The following SPAG16 variants were observed in gnomAD, a reference collection of about 807,000 sequenced individuals.
SPAG16 encodes sperm-associated antigen 16 protein.
SPAG16 carries 86 observed loss-of-function variants against 80.4 expected under a neutral mutation model. The observed-to-expected ratio is 1.07, with a 90% CI of 0.90 to 1.28. The LOEUF (loss-of-function observed/expected upper bound fraction) is 1.28. Among genes scored for constraint, SPAG16 ranks in the 50% most tolerant of loss-of-function variants. SPAG16 has a pLI of 0.00. For synonymous variants in SPAG16, 294 were observed against 265.9 expected (o/e 1.11, Z -1.03); for missense variants, 870 against 765.3 (o/e 1.14, Z -1.61).
chr2:213,465,666 G>T (rs1244961762), intron 9 of SPAG16, among the ~76,000 whole-genome samples: 2 of 152,106 alleles, frequency 1.3e-5, no homozygotes, highest in African/African-American at 4.8e-5. Context: ...GGTTTTGTGG[G>T]GTATAAATGG....
At chr2:214,049,509 T>A (rs2049522036) in intron 13 of SPAG16, among the ~76,000 whole-genome samples, 1 of 152,260 alleles carries the variant, frequency 6.6e-6, no homozygotes, top group African/African-American at 2.4e-5. Context: ...TATTTCATTG[T>A]AAATATATTT....
At chr2:213,410,089 G>T (rs1387001276) in intron 9 of SPAG16, among the ~76,000 whole-genome samples, 1 of 151,726 alleles carries the variant, frequency 6.6e-6, no homozygotes, top group Non-Finnish European at 1.5e-5. Context: ...CAGCAAAAAG[G>T]GGATGGAATC....
At chr2:213,580,426 G>T (rs1208668881) in intron 10 of SPAG16, among the ~76,000 whole-genome samples, 2 of 152,076 alleles carry the variant, frequency 1.3e-5, no homozygotes, top group Non-Finnish European at 2.9e-5. Context: ...CCTCAACCAT[G>T]AATCTACCTA....
chr2:213,898,193 G>A (rs1390660945), intron 11 of SPAG16, among the ~76,000 whole-genome samples: 2 of 152,130 alleles, frequency 1.3e-5, no homozygotes, highest in East Asian at 3.8e-4. Flanking sequence ...CAGAAACAAA[G>A]CTTTTAAATG....
chr2:213,968,245 T>G (rs978753393), intron 12 of SPAG16, among the ~76,000 whole-genome samples: 3 of 151,882 alleles, frequency 2.0e-5, no homozygotes, highest in Middle Eastern at 6.8e-3. Context: ...CGAGATCTCA[T>G]CTCACTGCAA....
chr2:214,244,957 A>C (rs932352169), intron 15 of SPAG16, among the ~76,000 whole-genome samples: 1 of 152,084 alleles, frequency 6.6e-6, no homozygotes, highest in African/African-American at 2.4e-5. Context: ...TGTCTAACTC[A>C]ATGCTTTCTT....
At chr2:214,000,379 C>A (rs2046736830) in intron 12 of SPAG16, among the ~76,000 whole-genome samples, 1 of 152,120 alleles carries the variant, frequency 6.6e-6, no homozygotes, top group Non-Finnish European at 1.5e-5. Flanking sequence ...TTTGAGGGCT[C>A]CCCTACCATA....
At chr2:214,140,094 C>T (rs941523454) in intron 14 of SPAG16, among the ~76,000 whole-genome samples, 2 of 152,178 alleles carry the variant, frequency 1.3e-5, no homozygotes, top group African/African-American at 4.8e-5. Context: ...CTGATCGCCT[C>T]AGGCACACTT....
At position 214,284,241 on chromosome 2, in the gene SPAG16, T is replaced by A. The variant is rs1276949834; in HGVS notation, c.1721-125899T>A. On this transcript the variant is annotated intron_variant, in intron 15 of 15. Coordinates refer to ENST00000331683, the MANE Select transcript of SPAG16 (RefSeq NM_024532.5). ...TCACTAACAAGGGCTGATTATTTTA[T>A]GTCAGTCATATTGCTCTTCTTTTTT... Among the ~76,000 whole-genome samples, 5 of 152,334 alleles carry A rather than the reference T, an allele frequency of 3.3e-5. No individual in the cohort carries two copies. In the East Asian group the frequency reaches 9.6e-4, roughly 29 times the overall value.
intron 9 of SPAG16, among the ~76,000 whole-genome samples, chr2:213,484,193 T>C (rs184219551): frequency 6.6e-6 from 1 of 152,336 alleles, no homozygotes; most frequent in Non-Finnish European, 1.5e-5. Flanking sequence ...ATAGAAACTT[T>C]AAAGACTAAT....
intron 10 of SPAG16, among the ~76,000 whole-genome samples, chr2:213,774,050 T>TA (rs1340730665): frequency 6.6e-6 from 1 of 152,216 alleles, no homozygotes; most frequent in Non-Finnish European, 1.5e-5. Context: ...TCCTATTTTT[T>TA]ACCGCAATGT....
intron 5 of SPAG16, among the ~76,000 whole-genome samples, chr2:213,330,172 A>G (rs2064028854): frequency 6.6e-6 from 1 of 152,122 alleles, no homozygotes; most frequent in Admixed American, 6.5e-5. Context: ...CAGAGTCCCT[A>G]CTGGAGCATT....
chr2:213,564,007 G>A (rs115831442), intron 10 of SPAG16, among the ~76,000 whole-genome samples: 1,984 of 152,312 alleles, frequency 0.013, 20 homozygotes, highest in South Asian at 0.036. Context: ...AGCTTTGTGA[G>A]TAAAAAGAAG....
At chr2:213,337,482 A>G (rs1031980866) in intron 5 of SPAG16, among the ~76,000 whole-genome samples, 6 of 152,184 alleles carry the variant, frequency 3.9e-5, no homozygotes, top group Non-Finnish European at 7.4e-5. Flanking sequence ...ATGATAAAAC[A>G]TTACAGGAGC....
chr2:213,791,426 A>T (rs1213023913), intron 10 of SPAG16, among the ~76,000 whole-genome samples: 1 of 152,116 alleles, frequency 6.6e-6, no homozygotes, highest in Non-Finnish European at 1.5e-5. Context: ...AATAGTTTTA[A>T]GGAATAAAAT....
At chr2:213,849,596 G>A (rs2074805005) in intron 10 of SPAG16, among the ~76,000 whole-genome samples, 1 of 152,104 alleles carries the variant, frequency 6.6e-6, no homozygotes, top group Admixed American at 6.5e-5. Flanking sequence ...CCACATTGAA[G>A]TGAATTCTAT....
At chr2:213,704,751 G>A (rs1350856687) in intron 10 of SPAG16, among the ~76,000 whole-genome samples, 5 of 152,160 alleles carry the variant, frequency 3.3e-5, no homozygotes, top group Non-Finnish European at 4.4e-5. Context: ...AATGAGTTTG[G>A]ACTTTATCTT....
At chr2:213,758,512 AAGT>A (rs2068467910) in intron 10 of SPAG16, among the ~76,000 whole-genome samples, 1 of 152,104 alleles carries the variant, frequency 6.6e-6, no homozygotes, top group Non-Finnish European at 1.5e-5. Context: ...ACCTCACAAG[AAGT>A]TAAAAAAAAT....
chr2:213,706,259 G>A (rs968082160), intron 10 of SPAG16, among the ~76,000 whole-genome samples: 15 of 152,162 alleles, frequency 9.9e-5, no homozygotes, highest in African/African-American at 3.6e-4. Flanking sequence ...AGGCAGAAAA[G>A]TGCTGGACTC....
Sources: allele counts gnomAD v4.1 joint callset (sites outside exome capture counted in the v4.1 genomes callset), GRCh38; gene constraint gnomAD v4.1.1; transcripts MANE v1.5; gene names NCBI Gene and HGNC (gene_info 2026-07-23, HGNC 2026-07-21).